The following MIA2 variants were observed in gnomAD, a reference collection of about 807,000 sequenced individuals.
MIA2 encodes the protein MIA SH3 domain ER export factor 2, also known as melanoma inhibitory activity protein 2.
In MIA2, 127 loss-of-function variants were observed where a neutral mutation model predicts 167.8. The ratio of observed to expected loss-of-function variants is 0.76; its 90% CI spans 0.66 to 0.88. The LOEUF is 0.88. Among genes scored for constraint, MIA2 ranks in the 40% least tolerant of loss-of-function variants. The probability of loss-of-function intolerance (pLI) is 0.00; values close to 1 mark genes in which losing one functional copy is unlikely to be tolerated. For synonymous variants in MIA2, 552 were observed against 541.9 expected (o/e 1.02, Z -0.26); for missense variants, 1,690 against 1,624.7 (o/e 1.04, Z -0.69).
intron 11 of MIA2, 152 bp downstream of exon 11, chr14:39,293,533 T>C: frequency 1.8e-6 from 1 of 560,450 alleles, no homozygotes; most frequent in Admixed American, 3.6e-5. Context: ...ATCCATTCTT[T>C]TCACTTCCCC....
intron 23 of MIA2, among the ~76,000 whole-genome samples, chr14:39,378,446 A>AGAG: frequency 6.6e-6 from 1 of 152,336 alleles, no homozygotes. Flanking sequence ...CCATAAATCT[A>AGAG]TATCTAAGAG....
At chr14:39,265,547 C>A in intron 6 of MIA2, 1 of 688,642 alleles carries the variant, frequency 1.5e-6, no homozygotes. Flanking sequence ...TCATTTTATC[C>A]TCTGTCCTTA....
At chr14:39,343,767 A>G (rs1018704015) in intron 25 of MIA2, among the ~76,000 whole-genome samples, 19 of 152,144 alleles carry the variant, frequency 1.2e-4, no homozygotes, top group African/African-American at 4.6e-4. Flanking sequence ...CTTTCCACAT[A>G]GCTGTATCTT....
chr14:39,299,908 T>C lies in MIA2; in HGVS notation c.2541T>C (p.Leu847=). Reference sequence around the variant, plus strand: ...TATGGAAAGAACAAGTGAGTGAACTTAATAAACAGAAAGTAACATTTGAAG... The same window carrying C: ...TATGGAAAGAACAAGTGAGTGAACTCAATAAACAGAAAGTAACATTTGAAG... ...AEVWKEQVSE[L]NKQKVTFEDS... is the part of the protein sequence containing the mutation. The change falls in exon 14 of 29, where the codon CTT becomes CTC. Residue 847 remains leucine, a synonymous_variant. Transcript: ENST00000640607. 1 of 1,608,970 alleles carries C rather than the reference T, an allele frequency of 6.2e-7. No homozygotes were observed. The highest frequency in any genetic ancestry group is 8.5e-7 in the Non-Finnish European group (1 of 1,178,652).
exon 24 of MIA2, chr14:39,387,546 A>G (rs892802621): frequency 2.0e-5 from 3 of 152,284 alleles, no homozygotes; most frequent in South Asian, 2.1e-4. Context: ...TGTTTTTGAG[A>G]TGGAATTTAC....
At chr14:39,353,158 A>C (rs1282537958), downstream of MIA2, among the ~76,000 whole-genome samples, 3 of 152,190 alleles carry the variant, frequency 2.0e-5, no homozygotes. Flanking sequence ...GGGGGTATCC[A>C]CCATCTTGAG....
intron 13 of MIA2, among the ~76,000 whole-genome samples, chr14:39,297,442 G>C (rs533620852): frequency 8.6e-4 from 131 of 152,306 alleles, no homozygotes; most frequent in Non-Finnish European, 1.5e-3. Flanking sequence ...TATCTGAAGA[G>C]CATTTCCACA....
At chr14:39,351,332 G>A (rs1020680921), downstream of MIA2, 1 of 148,266 alleles carries the variant, frequency 6.7e-6, no homozygotes, top group Non-Finnish European at 1.5e-5. Context: ...TTGGAACACT[G>A]ATCTTGTGAA....
intron 6 of MIA2, among the ~76,000 whole-genome samples, chr14:39,259,313 A>G (rs532279299): frequency 2.9e-4 from 44 of 152,314 alleles, no homozygotes; most frequent in African/African-American, 1.0e-3. Context: ...AGGAATCTAG[A>G]GAAGCAGTTC....
intron 23 of MIA2, chr14:39,386,432 GA>G: frequency 1.3e-6 from 2 of 1,550,296 alleles, no homozygotes; most frequent in Non-Finnish European, 1.8e-6. Flanking sequence ...GTTTCTAGCA[GA>G]ACCTTTTGGA....
intron 6 of MIA2, among the ~76,000 whole-genome samples, chr14:39,255,759 G>A (rs1406978456): frequency 6.6e-6 from 1 of 152,138 alleles, no homozygotes; most frequent in Non-Finnish European, 1.5e-5. Flanking sequence ...TATATAAAGT[G>A]CTTATTTAAT....
intron 18 of MIA2, among the ~76,000 whole-genome samples, chr14:39,310,511 C>CA (rs948129059): frequency 8.6e-5 from 13 of 151,148 alleles, no homozygotes; most frequent in Non-Finnish European, 1.3e-4. Context: ...CAGAAGCACA[C>CA]AAAAAAACAA....
At chr14:39,296,628 ATTTTTATTATTTTT>A (rs2061465167) in intron 13 of MIA2, among the ~76,000 whole-genome samples, 3 of 123,896 alleles carry the variant, frequency 2.4e-5, no homozygotes, top group Non-Finnish European at 5.1e-5. Flanking sequence ...TTTAATTTTT[ATTTTTATTATTTTT>A]TTTTTATTAT....
At chr14:39,270,593 A>G (rs1242576323) in intron 6 of MIA2, among the ~76,000 whole-genome samples, 1 of 151,774 alleles carries the variant, frequency 6.6e-6, no homozygotes, top group Non-Finnish European at 1.5e-5. Flanking sequence ...TAGTGGCGTG[A>G]TCATAGCCCA....
At chr14:39,367,457 A>G (rs1468997601) in intron 23 of MIA2, among the ~76,000 whole-genome samples, 1 of 152,174 alleles carries the variant, frequency 6.6e-6, no homozygotes, top group Non-Finnish European at 1.5e-5. Context: ...CTCTAGAGCA[A>G]TGCTAACGTG....
chr14:39,385,534 T>A, intron 23 of MIA2: 1 of 835,780 alleles, frequency 1.2e-6, no homozygotes. Flanking sequence ...ATTTTCATTG[T>A]GATAAACCAA....
chr14:39,302,303 T>G, intron 15 of MIA2, 54 bp downstream of exon 15: 1 of 1,587,804 alleles, frequency 6.3e-7, no homozygotes, highest in East Asian at 2.3e-5. Context: ...GCTCTTCTAT[T>G]TCCTTTTCGT....
chr14:39,307,089 G>A (rs2063454501), intron 17 of MIA2, among the ~76,000 whole-genome samples: 2 of 152,028 alleles, frequency 1.3e-5, no homozygotes, highest in South Asian at 4.1e-4. Context: ...CATTTGTTAT[G>A]AGAAGATCTA....
In MIA2 at chr14:39,234,048, C is replaced by A; in HGVS notation, c.-67C>A. ...GAGAGTAGAATATCTCCAGTTTTGG[C>A]TGACATCTCTACAACCTGAACAATT... On this transcript the variant is annotated 5_prime_UTR_variant, in exon 1 of 29. In the 5' UTR this introduces an upstream ATG that the reference lacks. Coordinates refer to ENST00000640607, the MANE Select transcript of MIA2 (RefSeq NM_001329214.4). 1.0e-6 allele frequency: 1 copy of A among 958,396 alleles called. No individual in the cohort carries two copies. Among genetic ancestry groups the A allele is most frequent in the Non-Finnish European group, 1.6e-6 (1 of 631,052 alleles). 59.4% of individuals were successfully genotyped at this position (958,396 alleles called of 1,614,324 possible). A position where few individuals can be genotyped will look rare whatever the true frequency, so the allele number is the denominator to read the frequency against.
Sources: allele counts gnomAD v4.1 joint callset (sites outside exome capture counted in the v4.1 genomes callset), GRCh38; gene constraint gnomAD v4.1.1; transcripts MANE v1.5; gene names NCBI Gene and HGNC (gene_info 2026-07-23, HGNC 2026-07-21).